Variants in ECT2 observed in about 807,000 individuals in gnomAD.
The protein encoded by ECT2 is protein ECT2.
A neutral mutation model predicts 116.9 loss-of-function variants in ECT2; 61 were observed. The ratio of observed to expected loss-of-function variants is 0.52; its 90% CI spans 0.42 to 0.65. The LOEUF (loss-of-function observed/expected upper bound fraction) is 0.65. ECT2 is among the 30% of genes least tolerant of loss of function. ECT2 has a pLI of 0.00. For missense variants in ECT2, 937 were observed against 1,078.7 expected, an observed-to-expected ratio of 0.87 and a Z score of 1.84; for synonymous variants, 358 against 346.4, an observed-to-expected ratio of 1.03 and a Z score of -0.37.
chr3:172,809,923 T>C (rs1728461398), intron 22 of ECT2, among the ~76,000 whole-genome samples: 1 of 152,182 alleles, frequency 6.6e-6, no homozygotes, highest in Admixed American at 6.5e-5. Flanking sequence ...TAATCGACTT[T>C]CTCCCCATGG....
intron 24 of ECT2, among the ~76,000 whole-genome samples, chr3:172,817,720 G>T (rs545462909): frequency 4.1e-4 from 63 of 152,132 alleles, no homozygotes; most frequent in African/African-American, 1.4e-3. Flanking sequence ...TGAAATATCT[G>T]TTCTTTATAA....
At position 172,770,042 on chromosome 3, in the gene ECT2, A is replaced by C. The variant is rs560302989; in HGVS notation, c.1428+899A>C. ...TAAAATACATGGATAAGACATGGAA[A>C]GACTTCTTACTTGATGGTCATAGAG... On this transcript the variant is annotated intron_variant, in intron 13 of 24. Transcript: ENST00000392692. Among the ~76,000 whole-genome samples the C allele has an allele frequency of 2.4e-4, 37 of 152,308 alleles. No homozygotes were observed. The East Asian group carries it at 6.9e-3, about 29-fold the overall frequency.
downstream of ECT2, among the ~76,000 whole-genome samples, chr3:172,822,894 C>T (rs140126254): frequency 6.6e-6 from 1 of 152,060 alleles, no homozygotes; most frequent in East Asian, 1.9e-4. Flanking sequence ...GAATATCCAA[C>T]AACCTATAAT....
At position 172,802,691 on chromosome 3, in the gene ECT2, C is replaced by T; in HGVS notation, c.1983C>T (p.Cys661=). 6.3e-7 allele frequency: 1 copy of T among 1,594,746 alleles called. No individual in the cohort carries two copies. Among genetic ancestry groups the T allele is most frequent in the Admixed American group, 1.7e-5 (1 of 57,798 alleles). The change falls in exon 19 of 25, where the codon TGC becomes TGT. Residue 661 remains cysteine (C), a synonymous_variant. Coordinates refer to ENST00000392692, the MANE Select transcript of ECT2 (RefSeq NM_001258315.2). The part of the protein sequence containing the change: ...IFDVVYEVDG[C]PANLLSSHRS... ...ATGTTGTTTATGAAGTAGATGGATG[C>T]CCAGTAAGTATTCTTCTTTAACAAT...
chr3:172,813,084 A>G (rs771124469), intron 22 of ECT2, among the ~76,000 whole-genome samples: 13 of 152,140 alleles, frequency 8.5e-5, no homozygotes, highest in Non-Finnish European at 1.9e-4. Context: ...ACGATTACCT[A>G]GATAGTTCAC....
chr3:172,814,344 G>A (rs150427407), intron 22 of ECT2, among the ~76,000 whole-genome samples: 307 of 151,886 alleles, frequency 2.0e-3, no homozygotes, highest in African/African-American at 6.7e-3. Context: ...TATGGGTTAG[G>A]TATACTAGAT....
chr3:172,764,922 C>T lies in ECT2; in HGVS notation c.1291+422C>T, dbSNP rs147426868. On this transcript the variant is annotated intron_variant, in intron 12 of 24. Coordinates refer to ENST00000392692, the MANE Select transcript of ECT2 (RefSeq NM_001258315.2). The stretch of plus-strand genomic sequence containing the variant: ...GAGTTCACTTTGTGCTGAACTGATA[C>T]AGAAAGGCTCCTATAATTCTTCCTT... 2.6e-3 allele frequency among the ~76,000 whole-genome samples: 396 copies of T among 152,298 alleles called. 2 individuals carry two copies. The highest frequency in any genetic ancestry group is 9.2e-3 in the African/African-American group (383 of 41,562).
At chr3:172,805,190 A>G (rs373498633) in intron 20 of ECT2, among the ~76,000 whole-genome samples, 2 of 149,960 alleles carry the variant, frequency 1.3e-5, no homozygotes, top group African/African-American at 5.1e-5. Context: ...TGTTTTCTTA[A>G]TGACAGATTA....
At chr3:172,805,290 C>G (rs557130455) in intron 20 of ECT2, among the ~76,000 whole-genome samples, 1 of 152,136 alleles carries the variant, frequency 6.6e-6, no homozygotes, top group Admixed American at 6.5e-5. Flanking sequence ...AAACTCTGTA[C>G]TAGCATTTGT....
intron 18 of ECT2, 134 bp downstream of exon 18, chr3:172,786,708 G>T: frequency 1.7e-6 from 1 of 598,626 alleles, no homozygotes; most frequent in Non-Finnish European, 3.0e-6. Context: ...TAATAGTGTA[G>T]TTACACATTA....
intron 13 of ECT2, among the ~76,000 whole-genome samples, chr3:172,773,416 C>G (rs1007215208): frequency 2.0e-5 from 3 of 150,220 alleles, no homozygotes; most frequent in Non-Finnish European, 4.5e-5. Flanking sequence ...TAGTTTTTTT[C>G]TTTTACTTTT....
the ECT2 span, among the ~76,000 whole-genome samples, chr3:172,826,542 T>C: frequency 6.6e-6 from 1 of 152,188 alleles, no homozygotes; most frequent in Non-Finnish European, 1.5e-5. Flanking sequence ...AGAAACTTAG[T>C]TGATAATGCA....
At chr3:172,804,036 A>G (rs1489649028) in intron 20 of ECT2, among the ~76,000 whole-genome samples, 1 of 151,972 alleles carries the variant, frequency 6.6e-6, no homozygotes, top group African/African-American at 2.4e-5. Context: ...GGACTCAAAC[A>G]ATTTACCCAC....
At chr3:172,754,377 G>A in intron 1 of ECT2, 132 bp from the exon 2 acceptor site, 1 of 598,746 alleles carries the variant, frequency 1.7e-6, no homozygotes, top group Non-Finnish European at 2.8e-6. Flanking sequence ...GAGAAGGTCA[G>A]TGACTTTCTT....
At chr3:172,818,656 G>C (rs1322410280) in intron 24 of ECT2, 1 of 1,289,236 alleles carries the variant, frequency 7.8e-7, no homozygotes, top group Non-Finnish European at 1.0e-6. Context: ...GTTTCAATCT[G>C]TACGTCATTC....
At chr3:172,818,180 G>C (rs1007615852) in intron 24 of ECT2, among the ~76,000 whole-genome samples, 1 of 151,976 alleles carries the variant, frequency 6.6e-6, no homozygotes, top group Admixed American at 6.6e-5. Flanking sequence ...ACATCAAAGA[G>C]TTATGGCTAA....
At chr3:172,777,248 A>G (rs1254743547) in intron 14 of ECT2, among the ~76,000 whole-genome samples, 1 of 152,090 alleles carries the variant, frequency 6.6e-6, no homozygotes, top group Non-Finnish European at 1.5e-5. Context: ...GATAATAATA[A>G]CTGACTCATG....
intron 14 of ECT2, 113 bp downstream of exon 14, chr3:172,774,135 T>A: frequency 1.1e-6 from 1 of 931,536 alleles, no homozygotes; most frequent in Non-Finnish European, 1.6e-6. Flanking sequence ...AAACTTCTTA[T>A]TCCCTTATTA....
Position 172,782,198 on chromosome 3 carries a change from G to T in ECT2, c.1584G>T (p.Glu528Asp). The T allele has an allele frequency of 6.3e-7, 1 of 1,579,844 alleles. No individual in the cohort carries two copies. ...DLEDLIVNWDESKSIGDIFLK... is the reference protein window; with the variant it reads ...DLEDLIVNWDDSKSIGDIFLK... ...AAGACCTTATAGTTAATTGGGATGA[G>T]AGCAAAAGCATTGGTGACATTTTTC... Residue 528 changes from glutamate (E) to aspartate (D), a missense_variant, in exon 15 of 25, where the codon GAG becomes GAT. Physicochemically the swap from Glu to Asp is conservative, Grantham distance 45 (BLOSUM62 2). Transcript: ENST00000392692.
Sources: allele counts gnomAD v4.1 joint callset (sites outside exome capture counted in the v4.1 genomes callset), GRCh38; gene constraint gnomAD v4.1.1; transcripts MANE v1.5; gene names NCBI Gene and HGNC (gene_info 2026-07-23, HGNC 2026-07-21).